CCAR1: variants seen among roughly 807,000 people sequenced by gnomAD.
CCAR1 encodes cell division cycle and apoptosis regulator protein 1.
A neutral mutation model predicts 163.8 loss-of-function variants in CCAR1; 78 were observed. That is an observed-to-expected ratio of 0.48 (90% confidence interval 0.40 to 0.57). The LOEUF is 0.57. CCAR1 is among the 20% of genes least tolerant of loss of function. The pLI, the probability that CCAR1 is intolerant of heterozygous loss-of-function variation, is 0.00. For missense variants in CCAR1, 1,019 were observed against 1,365.2 expected (o/e 0.75, Z 4.00); for synonymous variants, 443 against 460.7 (o/e 0.96, Z 0.49).
intron 19 of CCAR1, among the ~76,000 whole-genome samples, chr10:68,774,539 GA>G (rs1379644162): frequency 6.6e-6 from 1 of 151,764 alleles, no homozygotes; most frequent in African/African-American, 2.4e-5. Context: ...GCTGAGGCGG[GA>G]GAATGGCTTG....
At chr10:68,745,770 AT>A (rs780197377) in intron 6 of CCAR1, among the ~76,000 whole-genome samples, 129 of 144,498 alleles carry the variant, frequency 8.9e-4, no homozygotes, top group African/African-American at 1.8e-3. Flanking sequence ...CCCGGCAACT[AT>A]TTTTTTTTTT....
chr10:68,762,120 G>A (rs2056479511), intron 16 of CCAR1, among the ~76,000 whole-genome samples: 2 of 151,744 alleles, frequency 1.3e-5, no homozygotes, highest in Admixed American at 6.6e-5. Flanking sequence ...ACGAGGTCAG[G>A]AGATCGAGAC....
At chr10:68,768,681 A>C (rs1008177863) in intron 17 of CCAR1, among the ~76,000 whole-genome samples, 3 of 151,984 alleles carry the variant, frequency 2.0e-5, no homozygotes, top group African/African-American at 7.2e-5. Context: ...TGTAATAATC[A>C]CTTAATAAAT....
rs546133383 is a variant in CCAR1, at chr10:68,736,084, C to G, written c.74-792C>G. ...GCCAGCCTGGTCTCGAACTCTTGACCTCAGGTGATCCTCCCGCCTCGGTTT... is the reference window on the plus strand; with the variant it reads ...GCCAGCCTGGTCTCGAACTCTTGACGTCAGGTGATCCTCCCGCCTCGGTTT... On this transcript the variant is annotated intron_variant, in intron 2 of 24. Transcript: ENST00000265872. Among the ~76,000 whole-genome samples the G allele has an allele frequency of 7.9e-5, 12 of 152,198 alleles. No homozygotes were observed. The South Asian group carries it at 2.5e-3, about 32-fold the overall frequency.
intron 4 of CCAR1, among the ~76,000 whole-genome samples, chr10:68,738,572 A>C (rs932128637): frequency 6.6e-6 from 1 of 152,160 alleles, no homozygotes; most frequent in African/African-American, 2.4e-5. Flanking sequence ...ATTGAAGCCT[A>C]AACCTTATAG....
chr10:68,758,743 C>T (rs901656172), intron 15 of CCAR1, among the ~76,000 whole-genome samples: 26 of 151,122 alleles, frequency 1.7e-4, no homozygotes, highest in Admixed American at 1.3e-3. Context: ...AGTGCAGTGG[C>T]ACGATCTTAA....
intron 15 of CCAR1, among the ~76,000 whole-genome samples, chr10:68,758,766 G>A (rs1013244082): frequency 1.3e-5 from 2 of 151,078 alleles, no homozygotes; most frequent in Non-Finnish European, 2.9e-5. Flanking sequence ...TATGCCTCCC[G>A]GGTTCAAGAG....
In CCAR1 at chr10:68,742,551, A is replaced by G. The variant is rs1203132515; in HGVS notation, c.500A>G (p.Asp167Gly). ...LHDTFGFVDEDVFFQLSAVKG... is the reference protein window; with the variant it reads ...LHDTFGFVDEGVFFQLSAVKG... Reference sequence around the variant, plus strand: ...GATACGTTTGGATTTGTGGATGAAGATGTATTCTTTCAGCTTAGGTAAACT... The same window carrying G: ...GATACGTTTGGATTTGTGGATGAAGGTGTATTCTTTCAGCTTAGGTAAACT... Residue 167 changes from aspartate (D) to glycine (G), a missense_variant, in exon 6 of 25, where the codon GAT becomes GGT. By Grantham distance (94) the Asp-to-Gly change is moderately conservative. Around this residue, in one of 4 missense-constraint regions of CCAR1, gnomAD observed 644 missense variants for 904.4 expected, o/e 0.71. Coordinates refer to ENST00000265872, the MANE Select transcript of CCAR1 (RefSeq NM_018237.4). The G allele has an allele frequency of 1.2e-6, 2 of 1,613,326 alleles. No homozygotes were observed. Among genetic ancestry groups the G allele is most frequent in the African/African-American group, 1.3e-5 (1 of 74,894 alleles).
In CCAR1 at chr10:68,749,646, C is replaced by T. The variant is rs2056305449; in HGVS notation, c.1079C>T (p.Pro360Leu). ...RSPRRVRRVV[P>L]RYTVQFSKFS... ...CCTCGGAGAGTTCGACGTGTTGTTCCACGTTACACAGTTCAGTTTTCAAAG... is the reference window on the plus strand; with the variant it reads ...CCTCGGAGAGTTCGACGTGTTGTTCTACGTTACACAGTTCAGTTTTCAAAG... The change falls in exon 10 of 25, where the codon CCA becomes CTA. Residue 360 changes from proline to leucine, a missense_variant. Coordinates refer to ENST00000265872, the MANE Select transcript of CCAR1 (RefSeq NM_018237.4). The T allele has an allele frequency of 6.2e-7, 1 of 1,613,296 alleles. No homozygotes were observed. The highest frequency in any genetic ancestry group is 8.5e-7 in the Non-Finnish European group (1 of 1,179,420).
In CCAR1 at chr10:68,754,180, G is replaced by A. The variant is rs572124516; in HGVS notation, c.1344+103G>A. On this transcript the variant is annotated intron_variant, in intron 11 of 24. Coordinates refer to ENST00000265872, the MANE Select transcript of CCAR1 (RefSeq NM_018237.4). ...CAGAAAGTGTTTGTTAGGTAGACCC[G>A]AATACCTGTTTTCTTCTTAACTGCT... is the stretch of plus-strand genomic sequence containing the variant. The A allele has an allele frequency of 5.9e-5, 43 of 731,928 alleles. No homozygotes were observed. In the African/African-American group the frequency reaches 6.0e-4, roughly 10 times the overall value. The allele number at this position is 731,928 out of a possible 1,614,324, so 45.3% of individuals were successfully genotyped here.
chr10:68,780,708 A>G (rs554662449), intron 19 of CCAR1, among the ~76,000 whole-genome samples: 36 of 152,208 alleles, frequency 2.4e-4, no homozygotes, highest in Non-Finnish European at 5.0e-4. Flanking sequence ...GGTAATTCTT[A>G]CAGTATTTCC....
At chr10:68,730,866 T>C (rs934742925) in intron 2 of CCAR1, among the ~76,000 whole-genome samples, 4 of 152,002 alleles carry the variant, frequency 2.6e-5, no homozygotes, top group Admixed American at 2.6e-4. Flanking sequence ...AAATTTTTTA[T>C]ATTTTTCATA....
chr10:68,787,933 A>G lies in CCAR1; in HGVS notation c.2887A>G (p.Lys963Glu), dbSNP rs2056813757. ...TTACTTGCATGCATAACAGGTAAAG[A>G]AGCTTCTTAATAAAGTAGTGCTCCG... The part of the protein sequence containing the change: ...GLHLSRAQVK[K>E]LLNKVVLRES... Residue 963 changes from lysine to glutamate, a missense_variant, in exon 22 of 25, where the codon AAG becomes GAG. Physicochemically the swap from Lys to Glu is moderately conservative, Grantham distance 56. Coordinates refer to ENST00000265872, the MANE Select transcript of CCAR1 (RefSeq NM_018237.4). 1 of 1,603,764 alleles carries G rather than the reference A, an allele frequency of 6.2e-7. No homozygotes were observed. The highest frequency in any genetic ancestry group is 8.5e-7 in the Non-Finnish European group (1 of 1,177,334).
At chr10:68,785,236 T>C (rs1158126571) in intron 19 of CCAR1, among the ~76,000 whole-genome samples, 1 of 151,476 alleles carries the variant, frequency 6.6e-6, no homozygotes, top group Non-Finnish European at 1.5e-5. Context: ...TTTTTTTTTT[T>C]TTGAGACAGG....
chr10:68,769,587 T>G (rs1480373150), intron 17 of CCAR1, among the ~76,000 whole-genome samples: 3 of 151,634 alleles, frequency 2.0e-5, no homozygotes. Context: ...GCCATTGCAC[T>G]CCAGCCTGAG....
rs192574151 is a variant in CCAR1 at position 68,787,813 on chromosome 10, C to T, written c.2881-114C>T. ...TCACACCACTGCACTCCAGTTTGGG[C>T]GACAAGAGCAAGACTCTTTCTCAAA... On this transcript the variant is annotated intron_variant, in intron 21 of 24. Transcript: ENST00000265872. 505 of 1,019,322 alleles carry T rather than the reference C, an allele frequency of 5.0e-4. 2 individuals carry two copies. The African/African-American group carries it at 6.9e-3, about 14-fold the overall frequency. The allele number at this position is 1,019,322 out of a possible 1,614,324, so 63.1% of individuals were successfully genotyped here. A position where few individuals can be genotyped will look rare whatever the true frequency, so the allele number is the denominator to read the frequency against.
intron 22 of CCAR1, 35 bp from the exon 23 acceptor site, chr10:68,788,108 T>C (rs1381238722): frequency 3.3e-6 from 5 of 1,522,746 alleles, no homozygotes; most frequent in Non-Finnish European, 4.4e-6. Context: ...AGAAGAAAAA[T>C]AACTTACTAA....
chr10:68,774,321 G>A (rs372025485), intron 19 of CCAR1, among the ~76,000 whole-genome samples: 1 of 152,074 alleles, frequency 6.6e-6, no homozygotes, highest in Admixed American at 6.6e-5. Context: ...AGCTACATAC[G>A]TGTTCTAAAT....
intron 17 of CCAR1, among the ~76,000 whole-genome samples, chr10:68,769,707 C>T (rs906393986): frequency 6.6e-6 from 1 of 151,226 alleles, no homozygotes; most frequent in Non-Finnish European, 1.5e-5. Context: ...TTTGAGAGGC[C>T]GAGGCGGGGG....
Sources: allele counts gnomAD v4.1 joint callset (sites outside exome capture counted in the v4.1 genomes callset), GRCh38; gene constraint gnomAD v4.1.1; regional missense constraint gnomAD v4.1.1; transcripts MANE v1.5; gene names NCBI Gene and HGNC (gene_info 2026-07-23, HGNC 2026-07-21).